The following CIT variants were observed in gnomAD, a reference collection of about 807,000 sequenced individuals.
CIT encodes citron rho-interacting serine/threonine kinase.
CIT carries 79 observed loss-of-function variants against 272.7 expected under a neutral mutation model. That is an observed-to-expected ratio of 0.29 (90% CI 0.24 to 0.35). The LOEUF is 0.35. Ranked by LOEUF, CIT falls within the 10% of genes least tolerant of loss-of-function variation. The probability of loss-of-function intolerance (pLI) is 1.00; values close to 1 mark genes in which losing one functional copy is unlikely to be tolerated. For missense variants in CIT, 1,909 were observed against 2,618.3 expected (o/e 0.73, Z 5.91); for synonymous variants, 948 against 995.6 (o/e 0.95, Z 0.90).
chr12:119,804,502 C>T lies in CIT; in HGVS notation c.1112-1113G>A. ...AGTGCTGATCCCAGTGACAGAGCAG[C>T]ATGAGTCACTGCCCGCCAGGGCTCG... On this transcript the variant is annotated intron_variant, in intron 9 of 47. Coordinates refer to ENST00000392521, the MANE Select transcript of CIT (RefSeq NM_001206999.2). The surrounding 1 kb of genome is among the most constrained non-coding windows in gnomAD (Gnocchi z 5.3). 1 of 985,484 alleles carries T rather than the reference C, an allele frequency of 1.0e-6. No individual in the cohort carries two copies. Among genetic ancestry groups the T allele is most frequent in the Non-Finnish European group, 1.2e-6 (1 of 829,930 alleles). 61.0% of individuals were successfully genotyped at this position (985,484 alleles called of 1,614,324 possible). A position where few individuals can be genotyped will look rare whatever the true frequency, so the allele number is the denominator to read the frequency against.
chr12:119,870,490 C>T (rs1430843553), intron 2 of CIT, among the ~76,000 whole-genome samples: 1 of 134,748 alleles, frequency 7.4e-6, no homozygotes, highest in African/African-American at 2.8e-5. Context: ...ATGGAGGTTG[C>T]AGTGAGCCGA....
chr12:119,690,117 C>T lies in CIT; in HGVS notation c.6186+34G>A. ...TTCCCCAAGTCACTCCTGGCCTCCG[C>T]AACAGACACACAGGCCTCGGAATGC... is the stretch of plus-strand genomic sequence containing the variant. On this transcript the variant is annotated intron_variant, in intron 47 of 47. Coordinates refer to ENST00000392521, the MANE Select transcript of CIT (RefSeq NM_001206999.2). This position sits in a 1 kb window ranked among gnomAD's most constrained non-coding sequence, Gnocchi z 6.0. The T allele has an allele frequency of 6.9e-7, 1 of 1,442,246 alleles. No homozygotes were observed. Among genetic ancestry groups the T allele is most frequent in the African/African-American group, 1.5e-5 (1 of 67,840 alleles). 89.3% of individuals were successfully genotyped at this position (1,442,246 alleles called of 1,614,324 possible). A position where few individuals can be genotyped will look rare whatever the true frequency, so the allele number is the denominator to read the frequency against.
Position 119,876,245 on chromosome 12 carries a change from C to G in CIT, c.-13-64G>C, listed in dbSNP as rs975512193. ...TTGAGCAGGAAGGGCCTGAGAGATC[C>G]TGATCTCCCTCAAGATATCAGGGAC... On this transcript the variant is annotated intron_variant, in intron 1 of 47. Transcript: ENST00000392521. The G allele has an allele frequency of 4.8e-5, 48 of 991,916 alleles. No homozygotes were observed. In the South Asian group the frequency reaches 6.9e-4, roughly 14 times the overall value. The allele number at this position is 991,916 out of a possible 1,614,324, so 61.4% of individuals were successfully genotyped here.
intron 23 of CIT, among the ~76,000 whole-genome samples, chr12:119,743,967 A>G (rs546086351): frequency 1.3e-5 from 2 of 152,366 alleles, no homozygotes; most frequent in Admixed American, 6.5e-5. Context: ...AATTCAATTA[A>G]TTGAAAACCA....
At chr12:119,856,647 C>T (rs1286803054) in intron 4 of CIT, among the ~76,000 whole-genome samples, 1 of 152,142 alleles carries the variant, frequency 6.6e-6, no homozygotes, top group Non-Finnish European at 1.5e-5. Flanking sequence ...CGAGAACCTA[C>T]ATTTCCCCCC....
chr12:119,702,083 C>A, intron 41 of CIT, 125 bp from the exon 42 acceptor site: 1 of 699,530 alleles, frequency 1.4e-6, no homozygotes, highest in Non-Finnish European at 2.5e-6. Flanking sequence ...CAAGCTTGTT[C>A]ACGTTGTCAT....
chr12:119,776,348 G>C lies in CIT; in HGVS notation c.1887+10C>G. On this transcript the variant is annotated intron_variant, in intron 15 of 47. Transcript: ENST00000392521. ...AATATTAATAGCAAAACCAATCATGGAAAGTATACCTTCTCCAGTTTCGCA... is the reference window on the plus strand; with the variant it reads ...AATATTAATAGCAAAACCAATCATGCAAAGTATACCTTCTCCAGTTTCGCA... 1.2e-6 allele frequency: 2 copies of C among 1,610,454 alleles called. No homozygotes were observed. Among genetic ancestry groups the C allele is most frequent in the Non-Finnish European group, 8.5e-7 (1 of 1,177,162 alleles).
intron 44 of CIT, 153 bp from the exon 45 acceptor site, chr12:119,698,207 T>C (rs1565900152): frequency 1.5e-6 from 1 of 685,664 alleles, no homozygotes; most frequent in South Asian, 1.7e-5. Context: ...CAGTCATGCA[T>C]GTTCGAGGAT....
chr12:119,717,838 CTTTT>C (rs10699099), intron 32 of CIT, among the ~76,000 whole-genome samples: 17 of 81,350 alleles, frequency 2.1e-4, no homozygotes, highest in Middle Eastern at 9.3e-3. Context: ...TGACTTCTTT[CTTTT>C]TTTTTTTTTT....
intron 7 of CIT, among the ~76,000 whole-genome samples, chr12:119,830,339 G>A (rs1252620248): frequency 2.0e-5 from 3 of 151,708 alleles, no homozygotes; most frequent in African/African-American, 7.3e-5. Context: ...AGTGAAGGTT[G>A]TTACAATTAT....
In CIT at chr12:119,713,410, A is replaced by C; in HGVS notation, c.4487+58T>G. The C allele has an allele frequency of 6.3e-7, 1 of 1,599,518 alleles. No homozygotes were observed. Among genetic ancestry groups the C allele is most frequent in the Non-Finnish European group, 8.5e-7 (1 of 1,169,766 alleles). ...AAAAGACACTTCCCTAGAAAACATC[A>C]GGGACAGAGTGGCTTGTGCCAGCAC... On this transcript the variant is annotated intron_variant, in intron 34 of 47. Transcript: ENST00000392521. This position sits in a 1 kb window ranked among gnomAD's most constrained non-coding sequence, Gnocchi z 5.2.
intron 5 of CIT, among the ~76,000 whole-genome samples, chr12:119,847,700 C>T (rs1204268853): frequency 6.6e-6 from 1 of 151,384 alleles, no homozygotes; most frequent in Non-Finnish European, 1.5e-5. Context: ...AGACCAGCCC[C>T]ACCAACATGG....
intron 22 of CIT, among the ~76,000 whole-genome samples, chr12:119,754,185 T>C (rs1014689168): frequency 1.3e-5 from 2 of 152,166 alleles, no homozygotes; most frequent in Non-Finnish European, 2.9e-5. Context: ...ATTTTACAGA[T>C]AAGCAAACTG....
intron 26 of CIT, among the ~76,000 whole-genome samples, chr12:119,732,513 AG>A (rs926166108): frequency 3.3e-5 from 5 of 152,174 alleles, no homozygotes; most frequent in Non-Finnish European, 5.9e-5. Flanking sequence ...AAGCTGGAAT[AG>A]GAGACTTAAA....
At chr12:119,776,590 A>T in intron 14 of CIT, 82 bp downstream of exon 14, 3 of 1,408,142 alleles carry the variant, frequency 2.1e-6, no homozygotes, top group Non-Finnish European at 1.9e-6. Context: ...GTTGTTTCTC[A>T]TTAAACTAGG....
At chr12:119,746,589 T>C (rs16949631) in intron 23 of CIT, among the ~76,000 whole-genome samples, 8,877 of 152,238 alleles carry the variant, frequency 0.058, 408 homozygotes, top group African/African-American at 0.13. Flanking sequence ...ACAGCAAAGT[T>C]TCAAATAACA....
At chr12:119,869,602 AT>A (rs989560419) in intron 2 of CIT, among the ~76,000 whole-genome samples, 2 of 152,138 alleles carry the variant, frequency 1.3e-5, no homozygotes, top group Admixed American at 1.3e-4. Flanking sequence ...TATTCATATA[AT>A]TTCAGCTTTT....
At chr12:119,787,623 C>G (rs908786105) in intron 10 of CIT, among the ~76,000 whole-genome samples, 1 of 147,360 alleles carries the variant, frequency 6.8e-6, no homozygotes, top group African/African-American at 2.5e-5. Context: ...CCCAGCTACT[C>G]CGGAGGCTGA....
intron 3 of CIT, among the ~76,000 whole-genome samples, chr12:119,868,614 T>C (rs1482299241): frequency 1.3e-5 from 2 of 152,190 alleles, no homozygotes; most frequent in Admixed American, 1.3e-4. Context: ...TCACAGCTCA[T>C]TGAGCCTCAA....
Sources: allele counts gnomAD v4.1 joint callset (sites outside exome capture counted in the v4.1 genomes callset), GRCh38; gene constraint gnomAD v4.1.1; non-coding constraint Gnocchi (gnomAD v3.1); transcripts MANE v1.5; gene names NCBI Gene and HGNC (gene_info 2026-07-23, HGNC 2026-07-21).